The following ZBTB24 variants were observed in gnomAD, a reference collection of about 807,000 sequenced individuals.
The protein encoded by ZBTB24 is zinc finger and BTB domain-containing protein 24.
Under a neutral mutation model 53.8 loss-of-function variants are expected in ZBTB24, and 32 were observed. That is an observed-to-expected ratio of 0.60 (90% confidence interval 0.45 to 0.80). The LOEUF is 0.80. Ranked by LOEUF, ZBTB24 falls within the 30% of genes least tolerant of loss-of-function variation. ZBTB24 has a pLI of 0.00. For synonymous variants in ZBTB24, 297 were observed against 306.7 expected (o/e 0.97, Z 0.33); for missense variants, 722 against 837.1 (o/e 0.86, Z 1.70).
chr6:109,467,668 TG>T lies in ZBTB24; in HGVS notation c.1354del (p.His452ThrfsTer51). On this transcript the variant is annotated frameshift_variant, in exon 6 of 7. Transcript: ENST00000230122. LOFTEE classifies it high-confidence loss of function. The stretch of plus-strand genomic sequence containing the variant: ...AAAACTTTACCGATGGATTCTGATG[TG>T]GGTCTGAAGAGAACTCTTTGCTGTG... ...SFTAKSSLQT[H>X]IRIHRGEKPY... The T allele has an allele frequency of 3.1e-6, 5 of 1,614,178 alleles. No homozygotes were observed. Among genetic ancestry groups the T allele is most frequent in the Non-Finnish European group, 4.2e-6 (5 of 1,180,026 alleles).
chr6:109,481,489 C>A lies in ZBTB24; in HGVS notation c.538G>T (p.Ala180Ser), dbSNP rs371812883. The A allele has an allele frequency of 3.1e-6, 5 of 1,614,226 alleles. No homozygotes were observed. Among genetic ancestry groups the A allele is most frequent in the Non-Finnish European group, 4.2e-6 (5 of 1,180,052 alleles). The change falls in exon 2 of 7, where the codon GCA becomes TCA. Residue 180 changes from alanine to serine, a missense_variant. Ala to Ser is a moderately conservative substitution (Grantham distance 99). Coordinates refer to ENST00000230122, the MANE Select transcript of ZBTB24 (RefSeq NM_014797.3). The stretch of plus-strand genomic sequence containing the variant: ...ACTCTTAACTGTATTTCTTCCTCTG[C>A]AGCCAGTTCTGATTTCTCCTCCTGC... The part of the protein sequence containing the change: ...TLQEEKSELA[A>S]EEEIQLRVNN...
intron 6 of ZBTB24, 68 bp downstream of exon 6, chr6:109,467,585 A>G: frequency 6.2e-7 from 1 of 1,612,460 alleles, no homozygotes; most frequent in Non-Finnish European, 8.5e-7. Context: ...TAGGTAACAC[A>G]TGTCACCTCA....
intron 5 of ZBTB24, among the ~76,000 whole-genome samples, chr6:109,473,304 T>C (rs1284501226): frequency 6.6e-6 from 1 of 151,980 alleles, no homozygotes; most frequent in African/African-American, 2.4e-5. Flanking sequence ...TACTCCCAGC[T>C]CTCTGGCTGC....
At chr6:109,479,115 A>T (rs1776342266) in intron 2 of ZBTB24, among the ~76,000 whole-genome samples, 2 of 152,228 alleles carry the variant, frequency 1.3e-5, no homozygotes, top group Admixed American at 1.3e-4. Flanking sequence ...GAAATCATCT[A>T]TGAAATAACT....
intron 2 of ZBTB24, among the ~76,000 whole-genome samples, chr6:109,479,619 T>A (rs1776354725): frequency 6.6e-6 from 1 of 152,188 alleles, no homozygotes; most frequent in Non-Finnish European, 1.5e-5. Flanking sequence ...ACATAAAATT[T>A]TTGATAAAAA....
At chr6:109,467,626 G>A (rs763729634) in intron 6 of ZBTB24, 27 bp downstream of exon 6, 1 of 1,614,104 alleles carries the variant, frequency 6.2e-7, no homozygotes, top group African/African-American at 1.3e-5. Flanking sequence ...AGGCCTCCAT[G>A]CGAGAAAAAT....
rs1253654285 is a variant in ZBTB24, at chr6:109,466,183, G to T, written c.1762C>A (p.Gln588Lys). 2.4e-5 allele frequency: 39 copies of T among 1,614,084 alleles called. No individual in the cohort carries two copies. Among genetic ancestry groups the T allele is most frequent in the Non-Finnish European group, 3.2e-5 (38 of 1,180,036 alleles). ...GTGAGCAGGGTAAGATTAGCAGCCTGGTCTGCAGTCATGTTTTGGGAACTC... is the reference window on the plus strand; with the variant it reads ...GTGAGCAGGGTAAGATTAGCAGCCTTGTCTGCAGTCATGTTTTGGGAACTC... ...AESSQNMTAD[Q>K]AANLTLLTQQ... The change falls in exon 7 of 7, where the codon CAG (glutamine) becomes AAG (lysine). Residue 588 changes from glutamine to lysine, a missense_variant. Gln to Lys is a moderately conservative substitution (Grantham distance 53, BLOSUM62 1). Coordinates refer to ENST00000230122, the MANE Select transcript of ZBTB24 (RefSeq NM_014797.3).
intron 6 of ZBTB24, 145 bp from the exon 7 acceptor site, chr6:109,466,719 T>A: frequency 8.5e-7 from 1 of 1,182,596 alleles, no homozygotes; most frequent in Non-Finnish European, 1.2e-6. Context: ...ATTCAAGGAC[T>A]TGAAGCAAGT....
In ZBTB24 at chr6:109,481,211, A is replaced by G; in HGVS notation, c.816T>C (p.Asp272=). The change falls in exon 2 of 7, where the codon GAT becomes GAC. Residue 272 remains aspartate, a synonymous_variant. Transcript: ENST00000230122. ...VKLKDYKLVG[D]QEDHGSAKRI... ...TCTTGGCTGAACCATGGTCCTCTTGATCCCCAACAAGTTTGTAATCTTTAA... is the reference window on the plus strand; with the variant it reads ...TCTTGGCTGAACCATGGTCCTCTTGGTCCCCAACAAGTTTGTAATCTTTAA... 1 of 1,614,156 alleles carries G rather than the reference A, an allele frequency of 6.2e-7. No individual in the cohort carries two copies. The highest frequency in any genetic ancestry group is 8.5e-7 in the Non-Finnish European group (1 of 1,180,022).
chr6:109,482,134 A>T, intron 1 of ZBTB24, 80 bp from the exon 2 acceptor site: 1 of 979,496 alleles, frequency 1.0e-6, no homozygotes, highest in Non-Finnish European at 1.6e-6. Context: ...CTTCCTATTC[A>T]CTTCACATCA....
At chr6:109,482,109 G>A (rs1776432651) in intron 1 of ZBTB24, 55 bp from the exon 2 acceptor site, 1 of 1,221,066 alleles carries the variant, frequency 8.2e-7, no homozygotes, top group South Asian at 1.3e-5. Context: ...AAAGGTTAAT[G>A]CCAGCCCACA....
rs767515335 is a variant in ZBTB24 at position 109,466,022 on chromosome 6, G to T, written c.1923C>A (p.Ser641=). 1.9e-6 allele frequency: 3 copies of T among 1,614,216 alleles called. No individual in the cohort carries two copies. In the Admixed American group the frequency reaches 5.0e-5, roughly 27 times the overall value. The change falls in exon 7 of 7, where the codon TCC becomes TCA. Residue 641 remains serine (S), a synonymous_variant. Transcript: ENST00000230122. ...CATGAAGATGTTCCAGTGTTTCCTT[G>T]GACAGAGTGATCACGTGCACTGGCT... ...QTEPVHVITL[S]KETLEHLHAH...
At position 109,465,664 on chromosome 6, in the gene ZBTB24, C is replaced by T. The variant is rs775871899; in HGVS notation, c.*187G>A. ...TGAAATGCTCAATACAAATCAGTAC[C>T]TTAGACAAGACATACACACATCTTG... On this transcript the variant is annotated 3_prime_UTR_variant, in exon 7 of 7. Transcript: ENST00000230122. 112 of 1,576,612 alleles carry T rather than the reference C, an allele frequency of 7.1e-5. No individual in the cohort carries two copies. The highest frequency in any genetic ancestry group is 9.3e-5 in the Non-Finnish European group (108 of 1,167,488).
In ZBTB24 at chr6:109,481,416, C is replaced by T. The variant is rs1428707598; in HGVS notation, c.611G>A (p.Ser204Asn). 2.5e-6 allele frequency: 4 copies of T among 1,614,120 alleles called. No individual in the cohort carries two copies. Among genetic ancestry groups the T allele is most frequent in the Middle Eastern group, 1.6e-4 (1 of 6,084 alleles). Reference protein sequence around the residue: ...NRQNFVVKGDSGVLNEQIAAK... With the variant: ...NRQNFVVKGDNGVLNEQIAAK... ...TGCAATTTGCTCATTCAGTACACCA[C>T]TGTCTCCTTTAACCACAAAGTTTTG... The change falls in exon 2 of 7, where the codon AGT (serine) becomes AAT (asparagine). Residue 204 changes from serine to asparagine, a missense_variant. Physicochemically the swap from Ser to Asn is conservative, Grantham distance 46. Coordinates refer to ENST00000230122, the MANE Select transcript of ZBTB24 (RefSeq NM_014797.3).
rs1054068843 is a variant in ZBTB24, at chr6:109,462,747, A to G, written c.*3104T>C. On this transcript the variant is annotated 3_prime_UTR_variant, in exon 7 of 7. Coordinates refer to ENST00000230122, the MANE Select transcript of ZBTB24 (RefSeq NM_014797.3). ...GATGGTAAGAGCTCCAATCATCCCAAGGCAGACCCTCTTCTGGGAGAAAAC... is the reference window on the plus strand; with the variant it reads ...GATGGTAAGAGCTCCAATCATCCCAGGGCAGACCCTCTTCTGGGAGAAAAC... The G allele has an allele frequency of 6.6e-6, 1 of 152,186 alleles. No homozygotes were observed. The highest frequency in any genetic ancestry group is 1.5e-5 in the Non-Finnish European group (1 of 68,034). The allele number at this position is 152,186 out of a possible 1,614,324, so 9.4% of individuals were successfully genotyped here.
chr6:109,479,147 GAC>G (rs1181111841), intron 2 of ZBTB24, among the ~76,000 whole-genome samples: 2 of 152,188 alleles, frequency 1.3e-5, no homozygotes, highest in African/African-American at 2.4e-5. Context: ...AGAACTGAAA[GAC>G]AGTTTCCAAA....
chr6:109,481,244 G>A lies in ZBTB24; in HGVS notation c.783C>T (p.Ser261=), dbSNP rs141440344. ...CAAGTTTGTAATCTTTAAGTTTGAC[G>A]GATCTCCAAATCCTCCGCTTGCTGT... ...SRYSKRRIWR[S]VKLKDYKLVG... is the part of the protein sequence containing the mutation. The change falls in exon 2 of 7, where the codon TCC becomes TCT. Residue 261 remains serine, a synonymous_variant. Transcript: ENST00000230122. 1.3e-4 allele frequency: 213 copies of A among 1,614,174 alleles called. No homozygotes were observed. In the African/African-American group the frequency reaches 2.1e-3, roughly 16 times the overall value.
chr6:109,472,233 G>A (rs757571880), intron 5 of ZBTB24, among the ~76,000 whole-genome samples: 48 of 152,232 alleles, frequency 3.2e-4, no homozygotes, highest in Non-Finnish European at 1.6e-4. Flanking sequence ...GCTGATGCTA[G>A]GGACAGATGG....
In ZBTB24 at chr6:109,465,984, T is replaced by C. The variant is rs758756991; in HGVS notation, c.1961A>G (p.Gln654Arg). Residue 654 changes from glutamine (Q) to arginine (R), a missense_variant, in exon 7 of 7, where the codon CAA becomes CGA. Transcript: ENST00000230122. ...TGTAGCTAAATGGAGCTCCTCTGTT[T>C]GCTCTTGATGGGCATGAAGATGTTC... ...TLEHLHAHQE[Q>R]TEELHLATST... The C allele has an allele frequency of 1.2e-6, 2 of 1,614,144 alleles. No homozygotes were observed. The highest frequency in any genetic ancestry group is 2.2e-5 in the South Asian group (2 of 91,092).
Sources: allele counts gnomAD v4.1 joint callset (sites outside exome capture counted in the v4.1 genomes callset), GRCh38; gene constraint gnomAD v4.1.1; transcripts MANE v1.5; gene names NCBI Gene and HGNC (gene_info 2026-07-23, HGNC 2026-07-21).